TBXAS1: variants seen among roughly 807,000 people sequenced by gnomAD.
TBXAS1 encodes the protein thromboxane-A synthase.
In TBXAS1, 48 loss-of-function variants were observed where a neutral mutation model predicts 60.7. That is an observed-to-expected ratio of 0.79 (90% CI 0.63 to 1.01). The LOEUF (loss-of-function observed/expected upper bound fraction) is 1.01. TBXAS1 is among the 50% of genes least tolerant of loss of function. TBXAS1 has a pLI of 0.00. For missense variants in TBXAS1, 685 were observed against 686.3 expected, an observed-to-expected ratio of 1.00 and a Z score of 0.02; for synonymous variants, 287 against 269.7, an observed-to-expected ratio of 1.06 and a Z score of -0.63.
At chr7:139,933,907 T>G (rs1807536997) in intron 4 of TBXAS1, among the ~76,000 whole-genome samples, 1 of 152,150 alleles carries the variant, frequency 6.6e-6, no homozygotes, top group African/African-American at 2.4e-5. Context: ...GGGCTCCAGT[T>G]TTGACCACTT....
In TBXAS1 at chr7:139,962,025, G is replaced by A. The variant is rs910661292; in HGVS notation, c.926G>A (p.Cys309Tyr). The A allele has an allele frequency of 2.5e-6, 4 of 1,614,250 alleles. No homozygotes were observed. In the Admixed American group the frequency reaches 5.0e-5, roughly 20 times the overall value. ...AGAGACGTTTTCTCCTCTACTGGGTGCAAGCCGAACCCTTCCCGGCAACAC... is the reference window on the plus strand; with the variant it reads ...AGAGACGTTTTCTCCTCTACTGGGTACAAGCCGAACCCTTCCCGGCAACAC... Reference protein sequence around the residue: ...IVRDVFSSTGCKPNPSRQHQP... With the variant: ...IVRDVFSSTGYKPNPSRQHQP... The change falls in exon 9 of 13, where the codon TGC becomes TAC. Residue 309 changes from cysteine (C) to tyrosine (Y), a missense_variant. Cys to Tyr is a radical substitution (Grantham distance 194). Coordinates refer to ENST00000448866, the MANE Select transcript of TBXAS1 (RefSeq NM_001061.7).
At chr7:139,935,540 G>A (rs1298539882) in intron 4 of TBXAS1, among the ~76,000 whole-genome samples, 1 of 152,114 alleles carries the variant, frequency 6.6e-6, no homozygotes, top group African/African-American at 2.4e-5. Context: ...GAAGTTTGGG[G>A]TGGGGGGCCG....
chr7:139,993,623 C>T (rs1409049669), intron 9 of TBXAS1, among the ~76,000 whole-genome samples: 2 of 152,156 alleles, frequency 1.3e-5, no homozygotes, highest in Non-Finnish European at 2.9e-5. Flanking sequence ...ATCAATTGAA[C>T]ACTAAAAATC....
chr7:139,848,422 A>T (rs561770237), intron 1 of TBXAS1, among the ~76,000 whole-genome samples: 48 of 152,338 alleles, frequency 3.2e-4, no homozygotes, highest in Middle Eastern at 3.4e-3. Context: ...GGTCCAGAGA[A>T]GTTATGTGAT....
intron 4 of TBXAS1, among the ~76,000 whole-genome samples, chr7:139,926,476 A>T (rs1018306666): frequency 6.6e-6 from 1 of 152,084 alleles, no homozygotes; most frequent in Non-Finnish European, 1.5e-5. Context: ...ATCAGTTATA[A>T]CATCTCTTTT....
intron 9 of TBXAS1, among the ~76,000 whole-genome samples, chr7:139,980,499 G>A (rs1446310917): frequency 6.6e-6 from 1 of 152,000 alleles, no homozygotes; most frequent in East Asian, 1.9e-4. Context: ...TCCTCAGGTG[G>A]GATAACCAGA....
chr7:139,956,232 C>T (rs534921891), intron 7 of TBXAS1, among the ~76,000 whole-genome samples: 6 of 152,102 alleles, frequency 3.9e-5, no homozygotes, highest in South Asian at 4.1e-4. Context: ...CCGCAACCTC[C>T]GCCTCCTGGG....
chr7:140,020,189 G>C lies in TBXAS1; in HGVS notation c.*90G>C. 1 of 1,265,270 alleles carries C rather than the reference G, an allele frequency of 7.9e-7. No individual in the cohort carries two copies. The highest frequency in any genetic ancestry group is 2.3e-5 in the East Asian group (1 of 43,156). 78.4% of individuals were successfully genotyped at this position (1,265,270 alleles called of 1,614,324 possible). A position where few individuals can be genotyped will look rare whatever the true frequency, so the allele number is the denominator to read the frequency against. On this transcript the variant is annotated 3_prime_UTR_variant, in exon 13 of 13. Coordinates refer to ENST00000448866, the MANE Select transcript of TBXAS1 (RefSeq NM_001061.7). ...TTCAGAATTTTGGAAAAATGTCACT[G>C]AAGTGATTGAAAGAGTGCCTGGCAT...
At chr7:140,002,613 G>A (rs1029967907) in intron 9 of TBXAS1, among the ~76,000 whole-genome samples, 2 of 152,224 alleles carry the variant, frequency 1.3e-5, no homozygotes, top group African/African-American at 4.8e-5. Flanking sequence ...ACTAAGACAT[G>A]GAGGTGTGTG....
chr7:139,791,117 C>A (rs766621892), intron 4 of TBXAS1, among the ~76,000 whole-genome samples: 1 of 152,132 alleles, frequency 6.6e-6, no homozygotes, highest in Non-Finnish European at 1.5e-5. Flanking sequence ...GGTTTTGGAT[C>A]TTATATCTGA....
chr7:139,992,557 A>G (rs1043697569), intron 9 of TBXAS1, among the ~76,000 whole-genome samples: 2 of 152,246 alleles, frequency 1.3e-5, no homozygotes, highest in Non-Finnish European at 2.9e-5. Context: ...CATCAGCTGC[A>G]GAAGAAGGCA....
At chr7:139,910,221 G>T (rs1156247629) in intron 3 of TBXAS1, among the ~76,000 whole-genome samples, 1 of 152,068 alleles carries the variant, frequency 6.6e-6, no homozygotes, top group African/African-American at 2.4e-5. Context: ...TTGCTTTCGT[G>T]CCCCCAGTAC....
At position 140,016,170 on chromosome 7, in the gene TBXAS1, T is replaced by A. The variant is rs10234650; in HGVS notation, c.1364+310T>A. Among the ~76,000 whole-genome samples the A allele has an allele frequency of 0.27, 40,641 of 151,458 alleles. 5,597 individuals are homozygous for A. The highest frequency in any genetic ancestry group is 0.41 in the East Asian group (2,094 of 5,104). Reference sequence around the variant, plus strand: ...GGTGAAACCCCATCTCTACTAAAAATACAAAAACTTAGCTGGGCGTGGTGG... The same window carrying A: ...GGTGAAACCCCATCTCTACTAAAAAAACAAAAACTTAGCTGGGCGTGGTGG... On this transcript the variant is annotated intron_variant, in intron 11 of 12. Coordinates refer to ENST00000448866, the MANE Select transcript of TBXAS1 (RefSeq NM_001061.7).
chr7:139,985,592 G>T (rs1223254168), intron 9 of TBXAS1, among the ~76,000 whole-genome samples: 4 of 152,160 alleles, frequency 2.6e-5, no homozygotes, highest in Admixed American at 1.3e-4. Flanking sequence ...CCTATTATTT[G>T]TTCTAAAAAA....
intron 3 of TBXAS1, among the ~76,000 whole-genome samples, chr7:139,893,784 G>C (rs1803851380): frequency 6.6e-6 from 1 of 152,172 alleles, no homozygotes; most frequent in African/African-American, 2.4e-5. Context: ...AGATTGGTTT[G>C]TAGCTTACCT....
At chr7:139,785,601 A>G (rs967996016) in intron 3 of TBXAS1, among the ~76,000 whole-genome samples, 2 of 151,866 alleles carry the variant, frequency 1.3e-5, no homozygotes, top group African/African-American at 4.8e-5. Context: ...TTTTTAACAG[A>G]TGTCCCTGAC....
chr7:139,795,776 C>T (rs550336595), intron 4 of TBXAS1, among the ~76,000 whole-genome samples: 19 of 152,198 alleles, frequency 1.2e-4, no homozygotes, highest in South Asian at 6.2e-4. Flanking sequence ...TTCACCACCC[C>T]GCCTCCCTTT....
chr7:139,974,256 C>A (rs1288918726), intron 9 of TBXAS1, among the ~76,000 whole-genome samples: 1 of 152,178 alleles, frequency 6.6e-6, no homozygotes, highest in Non-Finnish European at 1.5e-5. Context: ...TCCCGGCCCC[C>A]AGTCAGTCAC....
rs114344049 is a variant in TBXAS1, at chr7:139,833,324, G to A, written c.89+3845G>A. Reference sequence around the variant, plus strand: ...TTTCATGCAAATGGACACCAAAAGCGAGTAGAGCAACGGTAGCTATTCTCA... The same window carrying A: ...TTTCATGCAAATGGACACCAAAAGCAAGTAGAGCAACGGTAGCTATTCTCA... On this transcript the variant is annotated intron_variant, in intron 1 of 12. Coordinates refer to ENST00000448866, the MANE Select transcript of TBXAS1 (RefSeq NM_001061.7). Among the ~76,000 whole-genome samples the A allele has an allele frequency of 8.4e-3, 1,284 of 152,014 alleles. 25 individuals are homozygous for A. The highest frequency in any genetic ancestry group is 0.029 in the African/African-American group (1,203 of 41,480).
Sources: gnomAD v4.1 joint callset for allele counts (sites outside exome capture counted in the v4.1 genomes callset) on GRCh38, gnomAD v4.1.1 for gene constraint, MANE v1.5 for transcripts, NCBI Gene and HGNC (gene_info 2026-07-23, HGNC 2026-07-21) for gene names.